The following PHF20 variants were observed in gnomAD, a reference collection of about 807,000 sequenced individuals.
PHF20 encodes PHD finger protein 20, also known as glioma-expressed antigen 2.
Under a neutral mutation model 113.5 loss-of-function variants are expected in PHF20, and 23 were observed. The ratio of observed to expected loss-of-function variants is 0.20; its 90% CI spans 0.15 to 0.29. The LOEUF (loss-of-function observed/expected upper bound fraction) is 0.29, where lower values mean the gene tolerates loss of function less well. PHF20 is among the 10% of genes least tolerant of loss of function. The pLI is 1.00. For missense variants in PHF20, 943 were observed against 1,219.6 expected (o/e 0.77, Z 3.38); for synonymous variants, 434 against 457.3 (o/e 0.95, Z 0.65).
chr20:35,830,353 A>G (rs990795060), intron 2 of PHF20, among the ~76,000 whole-genome samples: 2 of 152,246 alleles, frequency 1.3e-5, no homozygotes, highest in Non-Finnish European at 2.9e-5. Flanking sequence ...GAATGGAATC[A>G]TGCAGTATTT....
intron 2 of PHF20, among the ~76,000 whole-genome samples, chr20:35,833,553 G>T (rs1317645971): frequency 1.3e-5 from 2 of 152,110 alleles, no homozygotes; most frequent in Middle Eastern, 3.4e-3. Flanking sequence ...TTGCTGTTTT[G>T]TGGCTCCAGA....
intron 12 of PHF20, among the ~76,000 whole-genome samples, chr20:35,914,454 G>A (rs1425234432): frequency 2.0e-5 from 3 of 152,140 alleles, no homozygotes; most frequent in African/African-American, 4.8e-5. Context: ...GAAATGTCAA[G>A]TTTTTTGGAG....
intron 2 of PHF20, among the ~76,000 whole-genome samples, chr20:35,816,499 G>C (rs945277708): frequency 5.3e-5 from 8 of 150,748 alleles, no homozygotes; most frequent in African/African-American, 2.0e-4. Flanking sequence ...ATCCAGGCTG[G>C]AGTGCAATGG....
chr20:35,816,895 G>A (rs1387009895), intron 2 of PHF20, among the ~76,000 whole-genome samples: 2 of 151,500 alleles, frequency 1.3e-5, no homozygotes, highest in African/African-American at 2.4e-5. Flanking sequence ...GGGTTCTAGC[G>A]ATTCTCTTGC....
At chr20:35,920,280 ATGT>A (rs1454472464) in intron 13 of PHF20, among the ~76,000 whole-genome samples, 1 of 152,038 alleles carries the variant, frequency 6.6e-6, no homozygotes, top group Non-Finnish European at 1.5e-5. Flanking sequence ...AGATTCATCC[ATGT>A]TGTTGTGTGT....
chr20:35,773,542 C>T (rs2041107360), intron 1 of PHF20, among the ~76,000 whole-genome samples: 1 of 152,166 alleles, frequency 6.6e-6, no homozygotes, highest in East Asian at 1.9e-4. Context: ...GGATTCCTCT[C>T]CTAAAGGGCT....
chr20:35,804,927 C>T (rs757538291), intron 2 of PHF20, among the ~76,000 whole-genome samples: 4 of 151,932 alleles, frequency 2.6e-5, no homozygotes, highest in South Asian at 2.1e-4. Context: ...GTCGAGACAG[C>T]GTCTCACTTT....
chr20:35,847,298 C>A, intron 3 of PHF20, 52 bp from the exon 4 acceptor site: 2 of 1,237,290 alleles, frequency 1.6e-6, no homozygotes, highest in Non-Finnish European at 2.3e-6. Context: ...CCTGTATGTC[C>A]TGTGAAATTA....
chr20:35,837,303 G>A (rs2042460488), intron 2 of PHF20, among the ~76,000 whole-genome samples: 1 of 152,064 alleles, frequency 6.6e-6, no homozygotes, highest in South Asian at 2.1e-4. Context: ...AAATCTCTTG[G>A]TTATTCCTAA....
Position 35,773,347 on chromosome 20 carries a change from C to T in PHF20, c.-33+1268C>T, listed in dbSNP as rs143767006. Among the ~76,000 whole-genome samples the T allele has an allele frequency of 1.7e-3, 261 of 152,270 alleles. 1 individual carries two copies. The highest frequency in any genetic ancestry group is 6.0e-3 in the African/African-American group (251 of 41,558). ...ACATTTTCATTCCTCAGTTTCCTTC[C>T]CTTTTTGGAGCCACACTCCCCTTGA... On this transcript the variant is annotated intron_variant, in intron 1 of 17. Coordinates refer to ENST00000374012, the MANE Select transcript of PHF20 (RefSeq NM_016436.5).
intron 2 of PHF20, among the ~76,000 whole-genome samples, chr20:35,826,673 A>G (rs1438623559): frequency 1.3e-5 from 2 of 152,166 alleles, no homozygotes; most frequent in Non-Finnish European, 2.9e-5. Context: ...AAGAGTGAAA[A>G]TTTAAGCAGG....
At chr20:35,810,568 G>C (rs1303031274) in intron 2 of PHF20, among the ~76,000 whole-genome samples, 1 of 152,092 alleles carries the variant, frequency 6.6e-6, no homozygotes, top group Non-Finnish European at 1.5e-5. Context: ...CCTCATTTTA[G>C]CAGTAAGAAA....
At chr20:35,937,244 G>T (rs748339314) in intron 15 of PHF20, among the ~76,000 whole-genome samples, 1 of 152,054 alleles carries the variant, frequency 6.6e-6, no homozygotes, top group Non-Finnish European at 1.5e-5. Context: ...CGAGGTGGGC[G>T]GATCACCTGA....
chr20:35,870,338 G>C (rs1190965938), intron 7 of PHF20, among the ~76,000 whole-genome samples: 3 of 149,212 alleles, frequency 2.0e-5, no homozygotes, highest in African/African-American at 7.4e-5. Flanking sequence ...AAAATTAGCC[G>C]GGTGTGGTGG....
chr20:35,806,986 G>A (rs1317363547), intron 2 of PHF20, among the ~76,000 whole-genome samples: 19 of 151,778 alleles, frequency 1.3e-4, no homozygotes, highest in South Asian at 6.2e-4. Flanking sequence ...TAGCAGAGAC[G>A]GAGTTTCACT....
intron 15 of PHF20, among the ~76,000 whole-genome samples, chr20:35,934,849 C>G (rs1161515916): frequency 6.6e-6 from 1 of 152,158 alleles, no homozygotes; most frequent in Non-Finnish European, 1.5e-5. Context: ...ATGTCAGAGA[C>G]TAGCTATTTC....
intron 1 of PHF20, among the ~76,000 whole-genome samples, chr20:35,781,305 G>A (rs567680688): frequency 2.0e-5 from 3 of 151,786 alleles, no homozygotes; most frequent in East Asian, 2.0e-4. Flanking sequence ...CACCACATCC[G>A]GCTAATTTTC....
intron 1 of PHF20, among the ~76,000 whole-genome samples, chr20:35,780,546 C>A: frequency 1.1e-5 from 1 of 89,900 alleles, no homozygotes; most frequent in South Asian, 4.0e-4. Context: ...TCTTTTTTTT[C>A]TTTTCTTTTT....
intron 1 of PHF20, among the ~76,000 whole-genome samples, chr20:35,794,770 C>G (rs1361545327): frequency 3.9e-5 from 6 of 152,086 alleles, no homozygotes; most frequent in Admixed American, 3.9e-4. Context: ...CTTTGTTGTC[C>G]CTCTTTTCCC....
Sources: allele counts gnomAD v4.1 joint callset (sites outside exome capture counted in the v4.1 genomes callset), GRCh38; gene constraint gnomAD v4.1.1; transcripts MANE v1.5; gene names NCBI Gene and HGNC (gene_info 2026-07-23, HGNC 2026-07-21).